Variants in MAST4 observed in about 807,000 individuals in gnomAD.
MAST4 encodes microtubule associated serine/threonine kinase family member 4, also known as microtubule-associated serine/threonine-protein kinase 4.
In MAST4, 89 loss-of-function variants were observed where a neutral mutation model predicts 162.7. That is an observed-to-expected ratio of 0.55 (90% CI 0.46 to 0.65). The LOEUF (loss-of-function observed/expected upper bound fraction) is 0.65, where lower values mean the gene tolerates loss of function less well. Among genes scored for constraint, MAST4 ranks in the 30% least tolerant of loss-of-function variants. The probability of loss-of-function intolerance (pLI) is 0.00; values close to 1 mark genes in which losing one functional copy is unlikely to be tolerated. For synonymous variants in MAST4, 1,479 were observed against 1,361.1 expected, an observed-to-expected ratio of 1.09 and a Z score of -1.91; for missense variants, 3,153 against 3,374.0, an observed-to-expected ratio of 0.93 and a Z score of 1.62.
At chr5:66,658,714 T>A (rs1322679471) in intron 1 of MAST4, among the ~76,000 whole-genome samples, 2 of 152,048 alleles carry the variant, frequency 1.3e-5, no homozygotes, top group Non-Finnish European at 2.9e-5. Flanking sequence ...TGTACTCTGG[T>A]TTAGGGATGC....
chr5:67,039,194 T>G (rs1027299786), intron 4 of MAST4, among the ~76,000 whole-genome samples: 1 of 152,216 alleles, frequency 6.6e-6, no homozygotes, highest in African/African-American at 2.4e-5. Context: ...AGTTCATGTT[T>G]ATTTCTTTCA....
At chr5:66,702,675 G>T (rs1749857783) in intron 1 of MAST4, among the ~76,000 whole-genome samples, 1 of 152,088 alleles carries the variant, frequency 6.6e-6, no homozygotes, top group Admixed American at 6.5e-5. Flanking sequence ...AGATAAAGAG[G>T]TGAGTGTGGC....
At chr5:66,722,314 G>C (rs966938631) in intron 1 of MAST4, among the ~76,000 whole-genome samples, 4 of 152,180 alleles carry the variant, frequency 2.6e-5, no homozygotes, top group African/African-American at 9.6e-5. Context: ...GAGCCTCTGT[G>C]TAGAAATTTT....
At chr5:66,848,513 G>A (rs759070190) in intron 3 of MAST4, among the ~76,000 whole-genome samples, 15 of 152,054 alleles carry the variant, frequency 9.9e-5, no homozygotes, top group Non-Finnish European at 1.9e-4. Context: ...GTTAGCCTCC[G>A]TTATTATAAT....
At chr5:66,609,628 C>T (rs891813049) in intron 1 of MAST4, among the ~76,000 whole-genome samples, 1 of 151,284 alleles carries the variant, frequency 6.6e-6, no homozygotes, top group Non-Finnish European at 1.5e-5. Flanking sequence ...CTCAAGTGAT[C>T]CACCCACCCT....
intron 3 of MAST4, among the ~76,000 whole-genome samples, chr5:66,827,021 G>A (rs1009199096): frequency 2.0e-5 from 3 of 152,184 alleles, no homozygotes; most frequent in Non-Finnish European, 4.4e-5. Flanking sequence ...AGATTAAAGT[G>A]CAGGTGAGCC....
chr5:66,808,174 G>A (rs936539197), intron 3 of MAST4, among the ~76,000 whole-genome samples: 9 of 152,176 alleles, frequency 5.9e-5, no homozygotes, highest in African/African-American at 1.9e-4. Flanking sequence ...TCAGTCCAGC[G>A]GAATTTTGTG....
chr5:66,748,275 A>G (rs1420619620), intron 1 of MAST4, among the ~76,000 whole-genome samples: 2 of 152,016 alleles, frequency 1.3e-5, no homozygotes, highest in Non-Finnish European at 1.5e-5. Flanking sequence ...CAGCCGCTTA[A>G]TAAATGTCTA....
intron 4 of MAST4, among the ~76,000 whole-genome samples, chr5:67,017,956 T>C (rs957602847): frequency 6.6e-6 from 1 of 152,212 alleles, no homozygotes; most frequent in Non-Finnish European, 1.5e-5. Context: ...AATGCTAATA[T>C]ATGATTAGAA....
chr5:66,955,546 A>G (rs1192558327), intron 4 of MAST4, among the ~76,000 whole-genome samples: 1 of 152,196 alleles, frequency 6.6e-6, no homozygotes, highest in Non-Finnish European at 1.5e-5. Context: ...AGAGAATAGT[A>G]TAATGAACCC....
chr5:67,135,560 T>C (rs1175657755), intron 18 of MAST4, among the ~76,000 whole-genome samples: 2 of 152,232 alleles, frequency 1.3e-5, no homozygotes, highest in African/African-American at 4.8e-5. Flanking sequence ...TTCTTTTCTA[T>C]CTTTGATTTT....
chr5:66,803,206 A>G (rs1364195756), intron 3 of MAST4, among the ~76,000 whole-genome samples: 5 of 152,186 alleles, frequency 3.3e-5, no homozygotes, highest in Admixed American at 2.0e-4. Context: ...ATTTCTCTAT[A>G]TACATGAGTC....
At chr5:67,062,137 C>G (rs1438359822) in intron 5 of MAST4, among the ~76,000 whole-genome samples, 37 of 152,124 alleles carry the variant, frequency 2.4e-4, no homozygotes, top group Admixed American at 2.4e-3. Flanking sequence ...CGCGGTGGCT[C>G]ACGCCTGTAA....
In MAST4 at chr5:67,164,579, G is replaced by T. The variant is rs200339280; in HGVS notation, c.5400G>T (p.Pro1800=). 1.9e-6 allele frequency: 3 copies of T among 1,613,956 alleles called. No homozygotes were observed. The African/African-American group carries it at 4.0e-5, about 22-fold the overall frequency. ...LEGRSVSCLK[P]IEGTLDIALL... is the part of the protein sequence containing the mutation. ...GTAGGTCTGTCTCATGCCTGAAGCC[G>T]ATCGAGGGCACTCTGGACATTGCTC... is the stretch of plus-strand genomic sequence containing the variant. Residue 1800 remains proline (P), a synonymous_variant, in exon 29 of 29, where the codon CCG becomes CCT. Transcript: ENST00000403625. This position sits in a 1 kb window ranked among gnomAD's most constrained non-coding sequence, Gnocchi z 5.3.
At chr5:66,804,713 G>A (rs1756098002) in intron 3 of MAST4, among the ~76,000 whole-genome samples, 1 of 152,176 alleles carries the variant, frequency 6.6e-6, no homozygotes, top group Admixed American at 6.5e-5. Flanking sequence ...AAGGGTTTAA[G>A]AGTGGACTCT....
intron 4 of MAST4, among the ~76,000 whole-genome samples, chr5:67,007,057 G>C (rs1752120925): frequency 6.6e-6 from 1 of 152,124 alleles, no homozygotes; most frequent in African/African-American, 2.4e-5. Context: ...CTGTCTCAAA[G>C]GGCTAGCATT....
Position 66,965,597 on chromosome 5 carries a change from G to T in MAST4, c.674+65615G>T, listed in dbSNP as rs868200041. ...AGGGATTGGTGGGGGCGGGGGGGGG[G>T]GCGGTGAAGGATAAAACCAGACAGA... On this transcript the variant is annotated intron_variant, in intron 4 of 28. Coordinates refer to ENST00000403625, the MANE Select transcript of MAST4 (RefSeq NM_001164664.2). 1.0e-4 allele frequency among the ~76,000 whole-genome samples: 11 copies of T among 109,222 alleles called. No homozygotes were observed. The Middle Eastern group carries it at 0.015, about 146-fold the overall frequency. 71.7% of individuals were successfully genotyped at this position (109,222 alleles called of 152,430 possible). A position where few individuals can be genotyped will look rare whatever the true frequency, so the allele number is the denominator to read the frequency against.
chr5:66,747,713 G>C (rs189115011), intron 1 of MAST4, among the ~76,000 whole-genome samples: 1 of 152,356 alleles, frequency 6.6e-6, no homozygotes, highest in African/African-American at 2.4e-5. Flanking sequence ...AAAAAGGAAA[G>C]TGAGTGTAGG....
intron 10 of MAST4, 21 bp from the exon 11 acceptor site, chr5:67,110,077 C>A: frequency 6.4e-7 from 1 of 1,562,794 alleles, no homozygotes; most frequent in Non-Finnish European, 8.8e-7. Context: ...CATCATCACT[C>A]TCTTTATTGC....
Sources: allele counts gnomAD v4.1 joint callset (sites outside exome capture counted in the v4.1 genomes callset), GRCh38; gene constraint gnomAD v4.1.1; non-coding constraint Gnocchi (gnomAD v3.1); transcripts MANE v1.5; gene names NCBI Gene and HGNC (gene_info 2026-07-23, HGNC 2026-07-21).